NKAIN2: variants seen among roughly 807,000 people sequenced by gnomAD.
NKAIN2 encodes the protein sodium/potassium-transporting ATPase subunit beta-1-interacting protein 2.
A neutral mutation model predicts 32.6 loss-of-function variants in NKAIN2; 14 were observed. The ratio of observed to expected loss-of-function variants is 0.43; its 90% CI spans 0.28 to 0.67. NKAIN2 has a LOEUF of 0.67. Among genes scored for constraint, NKAIN2 ranks in the 30% least tolerant of loss-of-function variants. The pLI is 0.17. For synonymous variants in NKAIN2, 80 were observed against 87.2 expected (o/e 0.92, Z 0.46); for missense variants, 198 against 258.3 (o/e 0.77, Z 1.60).
chr6:124,233,384 C>T (rs547706786), intron 1 of NKAIN2, among the ~76,000 whole-genome samples: 1 of 152,288 alleles, frequency 6.6e-6, no homozygotes, highest in African/African-American at 2.4e-5. Flanking sequence ...GTGAGTTTTG[C>T]TCTTTCCCAC....
intron 1 of NKAIN2, among the ~76,000 whole-genome samples, chr6:123,843,750 G>C (rs1226207377): frequency 3.9e-5 from 6 of 152,068 alleles, no homozygotes; most frequent in Non-Finnish European, 5.9e-5. Context: ...CAGGGGTTTG[G>C]GGCTTCTGAC....
chr6:123,921,770 G>A (rs970504070), intron 1 of NKAIN2, among the ~76,000 whole-genome samples: 1 of 152,140 alleles, frequency 6.6e-6, no homozygotes, highest in Admixed American at 6.5e-5. Flanking sequence ...ACTGGTGTTA[G>A]CACTTTGTGA....
At chr6:124,310,951 T>C (rs1796687899) in intron 2 of NKAIN2, among the ~76,000 whole-genome samples, 1 of 152,148 alleles carries the variant, frequency 6.6e-6, no homozygotes, top group Non-Finnish European at 1.5e-5. Flanking sequence ...GTGAACAAAA[T>C]CACTCATTAA....
At chr6:124,286,681 C>CGT (rs142033167) in intron 2 of NKAIN2, among the ~76,000 whole-genome samples, 53 of 130,764 alleles carry the variant, frequency 4.1e-4, no homozygotes, top group South Asian at 2.5e-3. Flanking sequence ...TGTGCGCGCG[C>CGT]GTGTGTGTGT....
At chr6:124,666,438 A>G (rs1772798071) in intron 4 of NKAIN2, among the ~76,000 whole-genome samples, 1 of 152,160 alleles carries the variant, frequency 6.6e-6, no homozygotes, top group Admixed American at 6.5e-5. Context: ...ATAGTAAAAA[A>G]TATTATTATT....
rs562244594 is a variant in NKAIN2 at position 124,565,582 on chromosome 6, C to T, written c.274-92604C>T. 1.2e-4 allele frequency among the ~76,000 whole-genome samples: 19 copies of T among 152,284 alleles called. No individual in the cohort carries two copies. The Middle Eastern group carries it at 0.01, about 82-fold the overall frequency. ...TTTGGATTCACTTTCCCCCTGATTCCGTGCGAAACACCACTTAGAGTTCCT... is the reference window on the plus strand; with the variant it reads ...TTTGGATTCACTTTCCCCCTGATTCTGTGCGAAACACCACTTAGAGTTCCT... On this transcript the variant is annotated intron_variant, in intron 3 of 6. Coordinates refer to ENST00000368417, the MANE Select transcript of NKAIN2 (RefSeq NM_001040214.3).
At chr6:124,050,964 A>G (rs1346135285) in intron 1 of NKAIN2, among the ~76,000 whole-genome samples, 3 of 152,114 alleles carry the variant, frequency 2.0e-5, no homozygotes, top group Non-Finnish European at 4.4e-5. Flanking sequence ...AAAGAAAAAT[A>G]CATGTGATTC....
At chr6:124,560,729 A>G (rs188960479) in intron 3 of NKAIN2, among the ~76,000 whole-genome samples, 7 of 152,234 alleles carry the variant, frequency 4.6e-5, no homozygotes, top group African/African-American at 1.4e-4. Context: ...ATGTGAAAAA[A>G]TTCACCTTCT....
chr6:124,752,061 C>T (rs1439880729), intron 4 of NKAIN2, among the ~76,000 whole-genome samples: 1 of 151,976 alleles, frequency 6.6e-6, no homozygotes, highest in Non-Finnish European at 1.5e-5. Flanking sequence ...GTCTGTATTT[C>T]AGAAAGTATT....
chr6:124,789,335 A>C (rs766412250), intron 4 of NKAIN2, among the ~76,000 whole-genome samples: 4 of 152,114 alleles, frequency 2.6e-5, no homozygotes, highest in Non-Finnish European at 5.9e-5. Flanking sequence ...AGCATTTAAC[A>C]CTGAAAAGAA....
At chr6:123,934,468 A>G (rs1776408139) in intron 1 of NKAIN2, among the ~76,000 whole-genome samples, 1 of 152,280 alleles carries the variant, frequency 6.6e-6, no homozygotes, top group East Asian at 1.9e-4. Context: ...CTCAGTTTTT[A>G]TAGGACTTAG....
chr6:124,687,146 A>T (rs1583645664), intron 4 of NKAIN2, among the ~76,000 whole-genome samples: 2 of 149,030 alleles, frequency 1.3e-5, no homozygotes, highest in South Asian at 4.2e-4. Flanking sequence ...ATATATATAT[A>T]TATGGAATAT....
intron 1 of NKAIN2, among the ~76,000 whole-genome samples, chr6:124,061,187 T>C (rs891121577): frequency 6.6e-6 from 1 of 152,138 alleles, no homozygotes; most frequent in Admixed American, 6.6e-5. Context: ...TAAAAGCAAG[T>C]CTGAATAACA....
rs187321750 is a variant in NKAIN2, at chr6:124,778,703, A to G, written c.475-12636A>G. 3.9e-5 allele frequency among the ~76,000 whole-genome samples: 6 copies of G among 152,198 alleles called. No individual in the cohort carries two copies. In the East Asian group the frequency reaches 1.2e-3, roughly 29 times the overall value. On this transcript the variant is annotated intron_variant, in intron 4 of 6. Coordinates refer to ENST00000368417, the MANE Select transcript of NKAIN2 (RefSeq NM_001040214.3). ...AGTAAGAGAAGCAATTCCAATCCCC[A>G]TATTTAAACTTCTCTTTTAGAAGGC...
At chr6:124,665,340 A>G (rs552476458) in intron 4 of NKAIN2, among the ~76,000 whole-genome samples, 1 of 152,350 alleles carries the variant, frequency 6.6e-6, no homozygotes, top group African/African-American at 2.4e-5. Context: ...AATAGAGTCC[A>G]GAAATAAATC....
chr6:123,934,035 G>A (rs2114530196), intron 1 of NKAIN2, among the ~76,000 whole-genome samples: 1 of 152,176 alleles, frequency 6.6e-6, no homozygotes, highest in South Asian at 2.1e-4. Flanking sequence ...ATAGTCTCCA[G>A]CCTCAGCCTC....
chr6:124,411,446 A>G (rs1281156241), intron 3 of NKAIN2, among the ~76,000 whole-genome samples: 1 of 152,242 alleles, frequency 6.6e-6, no homozygotes, highest in Middle Eastern at 3.4e-3. Context: ...TATGAAGCTT[A>G]GTTTGGCTGG....
At chr6:123,846,423 A>G (rs1269487059) in intron 1 of NKAIN2, among the ~76,000 whole-genome samples, 1 of 152,174 alleles carries the variant, frequency 6.6e-6, no homozygotes, top group Non-Finnish European at 1.5e-5. Flanking sequence ...GCAAATAGCT[A>G]TGGGCTGTTT....
intron 1 of NKAIN2, among the ~76,000 whole-genome samples, chr6:124,257,704 C>T (rs557981688): frequency 3.3e-5 from 5 of 151,824 alleles, no homozygotes; most frequent in African/African-American, 9.7e-5. Context: ...CTAGCAAATG[C>T]TTATAAAGCA....
Sources: allele counts gnomAD v4.1 joint callset (sites outside exome capture counted in the v4.1 genomes callset), GRCh38; gene constraint gnomAD v4.1.1; transcripts MANE v1.5; gene names NCBI Gene and HGNC (gene_info 2026-07-23, HGNC 2026-07-21).